MYT1L: variants seen among roughly 807,000 people sequenced by gnomAD.
MYT1L encodes the protein myelin transcription factor 1-like protein.
A neutral mutation model predicts 126.7 loss-of-function variants in MYT1L; 12 were observed. That is an observed-to-expected ratio of 0.09 (90% confidence interval 0.06 to 0.15). MYT1L has a LOEUF of 0.15. Ranked by LOEUF, MYT1L falls within the 10% of genes least tolerant of loss-of-function variation. The pLI is 1.00. For missense variants in MYT1L, 979 were observed against 1,585.2 expected, an observed-to-expected ratio of 0.62 and a Z score of 6.49; for synonymous variants, 541 against 604.2, an observed-to-expected ratio of 0.90 and a Z score of 1.53.
intron 21 of MYT1L, among the ~76,000 whole-genome samples, chr2:1,832,615 C>T (rs1444955634): frequency 1.3e-5 from 2 of 152,186 alleles, no homozygotes; most frequent in Non-Finnish European, 2.9e-5. Flanking sequence ...TCTGCAGGAA[C>T]GGCTCAACGT....
intron 23 of MYT1L, among the ~76,000 whole-genome samples, chr2:1,797,564 G>A (rs1000113002): frequency 2.0e-5 from 3 of 152,130 alleles, no homozygotes; most frequent in Admixed American, 6.5e-5. Flanking sequence ...TGAAGACCCC[G>A]ACGCAGACTC....
At chr2:2,092,456 TATG>T (rs1227319403) in intron 3 of MYT1L, among the ~76,000 whole-genome samples, 5 of 152,136 alleles carry the variant, frequency 3.3e-5, no homozygotes, top group African/African-American at 4.8e-5. Context: ...CCAAAGCAGA[TATG>T]ATGATAATAA....
rs1401650546 is a variant in MYT1L, at chr2:1,852,177, G to A, written c.2712-474C>T. 6.6e-6 allele frequency among the ~76,000 whole-genome samples: 1 copy of A among 152,136 alleles called. No individual in the cohort carries two copies. Among genetic ancestry groups the A allele is most frequent in the South Asian group, 2.1e-4 (1 of 4,814 alleles). ...GCAAAGGCACCCCTTCCACAGACTG[G>A]CCAGGGCTGCGGCCAGCCTGGGTGG... On this transcript the variant is annotated intron_variant, in intron 18 of 24. Coordinates refer to ENST00000647738, the MANE Select transcript of MYT1L (RefSeq NM_001303052.2). The surrounding 1 kb of genome is among the most constrained non-coding windows in gnomAD (Gnocchi z 4.0).
chr2:2,254,826 C>T (rs1178893046), intron 2 of MYT1L, among the ~76,000 whole-genome samples: 1 of 152,184 alleles, frequency 6.6e-6, no homozygotes, highest in Non-Finnish European at 1.5e-5. Flanking sequence ...AAATTGTCCT[C>T]CAACTGATCT....
intron 10 of MYT1L, among the ~76,000 whole-genome samples, chr2:1,921,379 T>C (rs2053555124): frequency 6.6e-6 from 1 of 152,172 alleles, no homozygotes; most frequent in African/African-American, 2.4e-5. Context: ...CCGTCTTCTT[T>C]ACAAACATGA....
intron 2 of MYT1L, among the ~76,000 whole-genome samples, chr2:2,192,418 T>G (rs1311592763): frequency 4.0e-4 from 2 of 4,948 alleles, no homozygotes; most frequent in Non-Finnish European, 7.3e-4. Flanking sequence ...GTTAGTTTCA[T>G]TTTTTTTTTT....
intron 21 of MYT1L, among the ~76,000 whole-genome samples, chr2:1,818,975 C>A (rs80222832): frequency 6.6e-6 from 1 of 152,084 alleles, no homozygotes; most frequent in Non-Finnish European, 1.5e-5. Context: ...TGTGGGTGGC[C>A]GTGTGACCAC....
intron 3 of MYT1L, among the ~76,000 whole-genome samples, chr2:2,135,969 C>T (rs1290472360): frequency 6.6e-6 from 1 of 152,104 alleles, no homozygotes; most frequent in African/African-American, 2.4e-5. Context: ...GACTTGAAAC[C>T]AACCCAAATG....
chr2:2,252,479 G>C (rs891286240), intron 2 of MYT1L, among the ~76,000 whole-genome samples: 1 of 152,206 alleles, frequency 6.6e-6, no homozygotes, highest in African/African-American at 2.4e-5. Context: ...CTGCAATCCA[G>C]GAGGGACTCA....
rs535320336 is a variant in MYT1L at position 2,001,172 on chromosome 2, G to GT, written c.-157-3826dup. On this transcript the variant is annotated intron_variant, in intron 4 of 24. Transcript: ENST00000647738. Reference sequence around the variant, plus strand: ...CTCTTTATTTCCTTTATCACTATTAGTTTTTTTGAATTTCTACTACTAAAT... The same window carrying GT: ...CTCTTTATTTCCTTTATCACTATTAGTTTTTTTTGAATTTCTACTACTAAAT... 1.1e-3 allele frequency among the ~76,000 whole-genome samples: 150 copies of GT among 130,970 alleles called. 1 individual carries two copies. The highest frequency in any genetic ancestry group is 4.0e-3 in the African/African-American group (142 of 35,072). 85.9% of individuals were successfully genotyped at this position (130,970 alleles called of 152,430 possible). A position where few individuals can be genotyped will look rare whatever the true frequency, so the allele number is the denominator to read the frequency against.
Position 2,060,554 on chromosome 2 carries a change from A to G in MYT1L, c.-303-6431T>C, listed in dbSNP as rs187908033. 2.8e-3 allele frequency among the ~76,000 whole-genome samples: 419 copies of G among 152,322 alleles called. 8 individuals are homozygous for G. The highest frequency in any genetic ancestry group is 3.1e-4 in the Non-Finnish European group (21 of 68,036). ...AATGATATATCCTGTAATGAAAAGT[A>G]GGCATAAAATGACATTCTGTTTGAA... On this transcript the variant is annotated intron_variant, in intron 3 of 24. Coordinates refer to ENST00000647738, the MANE Select transcript of MYT1L (RefSeq NM_001303052.2).
intron 2 of MYT1L, among the ~76,000 whole-genome samples, chr2:2,227,192 A>T (rs955636277): frequency 2.0e-5 from 3 of 151,708 alleles, no homozygotes. Flanking sequence ...CAGACCTTAG[A>T]CCTTGACTTT....
intron 2 of MYT1L, among the ~76,000 whole-genome samples, chr2:2,210,947 T>A (rs1257515185): frequency 6.6e-6 from 1 of 152,208 alleles, no homozygotes; most frequent in Middle Eastern, 3.2e-3. Flanking sequence ...TTTTACTTCT[T>A]TGGTTAAGTT....
At chr2:2,005,500 A>ATTCTTTCCTGCATGTG (rs74164552) in intron 4 of MYT1L, among the ~76,000 whole-genome samples, 129,459 of 133,912 alleles carry the variant, frequency 0.97, 62,571 homozygotes, top group East Asian at 0.99. Flanking sequence ...TCCTGCAGGC[A>ATTCTTTCCTGCATGTG]TTCTTTCCTG....
chr2:1,794,503 CG>C (rs1558571554), intron 23 of MYT1L, among the ~76,000 whole-genome samples: 1 of 152,152 alleles, frequency 6.6e-6, no homozygotes, highest in Non-Finnish European at 1.5e-5. Context: ...CCAGAGTAAA[CG>C]GAAGTCCAAC....
chr2:2,171,306 G>C (rs143600144), intron 3 of MYT1L, among the ~76,000 whole-genome samples: 1 of 152,260 alleles, frequency 6.6e-6, no homozygotes, highest in East Asian at 1.9e-4. Context: ...CTTTCTCCTT[G>C]TGGTTTCATT....
chr2:2,306,342 G>T (rs1005679777), intron 1 of MYT1L, among the ~76,000 whole-genome samples: 11 of 152,192 alleles, frequency 7.2e-5, no homozygotes, highest in African/African-American at 2.6e-4. Context: ...GGTATCAAAT[G>T]GTCCAAAGGA....
chr2:2,091,841 T>C (rs545703766), intron 3 of MYT1L, among the ~76,000 whole-genome samples: 9 of 152,222 alleles, frequency 5.9e-5, no homozygotes, highest in Non-Finnish European at 1.0e-4. Flanking sequence ...TTGAACCTCA[T>C]AAACCAACCT....
Position 2,095,649 on chromosome 2 carries a change from G to A in MYT1L, c.-303-41526C>T, listed in dbSNP as rs544807870. On this transcript the variant is annotated intron_variant, in intron 3 of 24. Transcript: ENST00000647738. ...GAGAGCAGTCGTTTTCCATCTGTGAGTGTCTGCCTGTGGCTTCTCTCTGCA... is the reference window on the plus strand; with the variant it reads ...GAGAGCAGTCGTTTTCCATCTGTGAATGTCTGCCTGTGGCTTCTCTCTGCA... Among the ~76,000 whole-genome samples, 3 of 152,242 alleles carry A rather than the reference G, an allele frequency of 2.0e-5. No homozygotes were observed. The East Asian group carries it at 5.8e-4, about 29-fold the overall frequency.
Sources: allele counts gnomAD v4.1 joint callset (sites outside exome capture counted in the v4.1 genomes callset), GRCh38; gene constraint gnomAD v4.1.1; non-coding constraint Gnocchi (gnomAD v3.1); transcripts MANE v1.5; gene names NCBI Gene and HGNC (gene_info 2026-07-23, HGNC 2026-07-21).